Variants in ITPKB observed in about 807,000 individuals in gnomAD.
ITPKB encodes the protein inositol-trisphosphate 3-kinase B.
ITPKB carries 13 observed loss-of-function variants against 69.4 expected under a neutral mutation model. The ratio of observed to expected loss-of-function variants is 0.19; its 90% CI spans 0.12 to 0.30. The LOEUF (loss-of-function observed/expected upper bound fraction) is 0.30. Ranked by LOEUF, ITPKB falls within the 10% of genes least tolerant of loss-of-function variation. The probability of loss-of-function intolerance (pLI) is 1.00; values close to 1 mark genes in which losing one functional copy is unlikely to be tolerated. For synonymous variants in ITPKB, 584 were observed against 513.7 expected (o/e 1.14, Z -1.85); for missense variants, 1,240 against 1,250.5 (o/e 0.99, Z 0.13).
intron 4 of ITPKB, among the ~76,000 whole-genome samples, chr1:226,644,566 C>T (rs3754379): frequency 2.0e-4 from 30 of 152,328 alleles, no homozygotes; most frequent in Middle Eastern, 3.4e-3. Context: ...AATCTCAGAG[C>T]ATGCCCCAGA....
chr1:226,647,008 G>A (rs1020446136), intron 4 of ITPKB, among the ~76,000 whole-genome samples, 159 bp downstream of exon 4: 4 of 152,196 alleles, frequency 2.6e-5, no homozygotes, highest in Admixed American at 2.6e-4. Context: ...GCAAATAATG[G>A]GAGATGCCTG....
chr1:226,736,883 A>C lies in ITPKB; in HGVS notation c.576T>G (p.Val192=). The part of the protein sequence containing the change: ...SSSQPPGRVL[V]QGARSEERRT... ...TCCGTTCCTCGCTCCGGGCGCCCTG[A>C]ACCAGGACCCTTCCAGGGGGCTGAC... The change falls in exon 2 of 8, where the codon GTT becomes GTG. Residue 192 remains valine (V), a synonymous_variant. Transcript: ENST00000429204. 1 of 1,610,670 alleles carries C rather than the reference A, an allele frequency of 6.2e-7. No individual in the cohort carries two copies.
intron 2 of ITPKB, among the ~76,000 whole-genome samples, chr1:226,668,626 G>A (rs2102764187): frequency 6.6e-6 from 1 of 152,380 alleles, no homozygotes; most frequent in East Asian, 1.9e-4. Context: ...GGAATTTACT[G>A]TGAAATGGGA....
Position 226,731,969 on chromosome 1 carries a change from T to G in ITPKB, c.1932+3558A>C, listed in dbSNP as rs183092095. Among the ~76,000 whole-genome samples the G allele has an allele frequency of 2.7e-3, 406 of 151,794 alleles. 5 individuals are homozygous for G. The highest frequency in any genetic ancestry group is 5.7e-4 in the Non-Finnish European group (39 of 67,902). On this transcript the variant is annotated intron_variant, in intron 2 of 7. Transcript: ENST00000429204. ...TCTAGGCTTTTAAATTTTAGTTTGG[T>G]TTACCCCAAACTAAAATTTTTACAC...
At chr1:226,716,216 C>T (rs1009889295) in intron 2 of ITPKB, among the ~76,000 whole-genome samples, 2 of 152,160 alleles carry the variant, frequency 1.3e-5, no homozygotes, top group African/African-American at 4.8e-5. Flanking sequence ...TAAGAAATCC[C>T]AAGTTGTGGC....
At chr1:226,733,060 G>A (rs1657640532) in intron 2 of ITPKB, among the ~76,000 whole-genome samples, 1 of 152,156 alleles carries the variant, frequency 6.6e-6, no homozygotes, top group Non-Finnish European at 1.5e-5. Context: ...CCAGGGGTTG[G>A]TTATGTGACT....
chr1:226,733,555 C>T (rs1052027229), intron 2 of ITPKB, among the ~76,000 whole-genome samples: 1 of 151,994 alleles, frequency 6.6e-6, no homozygotes, highest in Admixed American at 6.6e-5. Flanking sequence ...CAGTTGGTTA[C>T]CCACCCTTAC....
At chr1:226,686,602 C>G (rs1656221821) in intron 2 of ITPKB, among the ~76,000 whole-genome samples, 1 of 152,348 alleles carries the variant, frequency 6.6e-6, no homozygotes, top group African/African-American at 2.4e-5. Context: ...TGCCCTCCAT[C>G]CCAGCACAGA....
chr1:226,679,580 C>T (rs1656028296), intron 2 of ITPKB, among the ~76,000 whole-genome samples: 1 of 152,174 alleles, frequency 6.6e-6, no homozygotes, highest in African/African-American at 2.4e-5. Context: ...ATTCTACCTC[C>T]CTTTTGAACT....
intron 2 of ITPKB, among the ~76,000 whole-genome samples, chr1:226,689,545 T>C (rs1656294860): frequency 6.6e-6 from 1 of 151,518 alleles, no homozygotes; most frequent in East Asian, 1.9e-4. Flanking sequence ...TTGTGGGTTT[T>C]TTTCCTTTGT....
intron 2 of ITPKB, among the ~76,000 whole-genome samples, chr1:226,670,538 A>G (rs1669594018): frequency 6.6e-6 from 1 of 152,264 alleles, no homozygotes; most frequent in African/African-American, 2.4e-5. Flanking sequence ...TGGATCGTTC[A>G]GTCCTTAACT....
intron 2 of ITPKB, among the ~76,000 whole-genome samples, chr1:226,684,799 G>A (rs1308287367): frequency 6.6e-6 from 1 of 152,130 alleles, no homozygotes; most frequent in Non-Finnish European, 1.5e-5. Flanking sequence ...CAAGTACAGA[G>A]GGCCCCAAAG....
intron 2 of ITPKB, among the ~76,000 whole-genome samples, chr1:226,666,323 C>G (rs531066407): frequency 2.0e-5 from 3 of 152,298 alleles, no homozygotes; most frequent in East Asian, 3.9e-4. Context: ...CAGAGGCGCT[C>G]AGAGGGAGAA....
intron 2 of ITPKB, among the ~76,000 whole-genome samples, chr1:226,719,903 C>A (rs910769771): frequency 2.0e-5 from 3 of 152,214 alleles, no homozygotes; most frequent in East Asian, 3.9e-4. Context: ...TCCCTGGGGA[C>A]CCGGATTACA....
chr1:226,722,668 A>C (rs561769444), intron 2 of ITPKB, among the ~76,000 whole-genome samples: 5 of 148,178 alleles, frequency 3.4e-5, no homozygotes, highest in African/African-American at 1.3e-4. Flanking sequence ...CGTGCTAACA[A>C]GCTCCTTTCG....
intron 2 of ITPKB, among the ~76,000 whole-genome samples, chr1:226,649,532 ATG>A (rs759975849): frequency 4.4e-4 from 65 of 146,686 alleles, no homozygotes; most frequent in Admixed American, 7.4e-4. Flanking sequence ...TGATGTGTGC[ATG>A]TGTGTGCATG....
chr1:226,671,174 A>G (rs1669608793), intron 2 of ITPKB, among the ~76,000 whole-genome samples: 1 of 152,190 alleles, frequency 6.6e-6, no homozygotes, highest in Non-Finnish European at 1.5e-5. Flanking sequence ...GGATCTCTAG[A>G]AGCCCAGGAA....
intron 2 of ITPKB, among the ~76,000 whole-genome samples, chr1:226,670,175 C>CAAAAAA (rs35767912): frequency 0.01 from 332 of 31,922 alleles, 24 homozygotes; most frequent in Non-Finnish European, 0.012. Context: ...AGCTCCGCCG[C>CAAAAAA]AAAAAAAAAA....
At chr1:226,722,562 T>G (rs1042542894) in intron 2 of ITPKB, among the ~76,000 whole-genome samples, 1 of 152,338 alleles carries the variant, frequency 6.6e-6, no homozygotes, top group South Asian at 2.1e-4. Context: ...AGATCGAAAC[T>G]AATTACCATT....
Sources: allele counts gnomAD v4.1 joint callset (sites outside exome capture counted in the v4.1 genomes callset), GRCh38; gene constraint gnomAD v4.1.1; transcripts MANE v1.5; gene names NCBI Gene and HGNC (gene_info 2026-07-23, HGNC 2026-07-21).